Variants in USH2A observed in about 807,000 individuals in gnomAD.
USH2A encodes the protein Usher syndrome 2A (autosomal recessive, mild).
A neutral mutation model predicts 538.9 loss-of-function variants in USH2A; 443 were observed. The ratio of observed to expected loss-of-function variants is 0.82; its 90% confidence interval spans 0.76 to 0.89. The LOEUF (loss-of-function observed/expected upper bound fraction) is 0.89. USH2A is among the 40% of genes least tolerant of loss of function. The pLI is 0.00. For missense variants in USH2A, 6,633 were observed against 6,324.8 expected (o/e 1.05, Z -1.65); for synonymous variants, 2,413 against 2,273.5 (o/e 1.06, Z -1.75).
At chr1:215,949,029 C>T (rs865902470) in intron 37 of USH2A, among the ~76,000 whole-genome samples, 2 of 152,006 alleles carry the variant, frequency 1.3e-5, no homozygotes, top group Admixed American at 6.6e-5. Flanking sequence ...GCTGGACTCA[C>T]GTTCTTTGAG....
At chr1:216,171,938 AT>A (rs2034283509) in intron 21 of USH2A, among the ~76,000 whole-genome samples, 1 of 152,072 alleles carries the variant, frequency 6.6e-6, no homozygotes, top group Non-Finnish European at 1.5e-5. Flanking sequence ...CTTCCTGAAG[AT>A]TAGATTTTTT....
chr1:216,198,834 A>G (rs921760985), intron 17 of USH2A, among the ~76,000 whole-genome samples: 1 of 152,202 alleles, frequency 6.6e-6, no homozygotes, highest in Non-Finnish European at 1.5e-5. Context: ...ACTCATGAGG[A>G]AAACAAACCA....
chr1:216,070,853 T>TTGGGGG (rs2031536273), intron 29 of USH2A, among the ~76,000 whole-genome samples: 1 of 91,062 alleles, frequency 1.1e-5, no homozygotes, highest in Non-Finnish European at 2.0e-5. Flanking sequence ...GTTGCAGTTT[T>TTGGGGG]TGGGGGTGGG....
chr1:215,852,480 C>A (rs1372371615), intron 44 of USH2A, among the ~76,000 whole-genome samples: 1 of 152,130 alleles, frequency 6.6e-6, no homozygotes, highest in East Asian at 1.9e-4. Context: ...CCTGGTCCCT[C>A]CCAGATCTCA....
At chr1:215,704,917 G>A (rs1367310660) in intron 61 of USH2A, among the ~76,000 whole-genome samples, 1 of 152,060 alleles carries the variant, frequency 6.6e-6, no homozygotes, top group Non-Finnish European at 1.5e-5. Context: ...CTCCCCACTA[G>A]ACCTTGAACT....
At chr1:215,909,233 T>C (rs1483880964) in intron 38 of USH2A, among the ~76,000 whole-genome samples, 1 of 151,546 alleles carries the variant, frequency 6.6e-6, no homozygotes, top group Non-Finnish European at 1.5e-5. Flanking sequence ...CAAAAAAAGA[T>C]AAAGGCAAAA....
intron 37 of USH2A, among the ~76,000 whole-genome samples, chr1:215,956,017 C>T (rs1667056998): frequency 6.6e-6 from 1 of 152,082 alleles, no homozygotes; most frequent in African/African-American, 2.4e-5. Context: ...GGACATTGGC[C>T]CCAGATGGCT....
intron 65 of USH2A, among the ~76,000 whole-genome samples, chr1:215,649,070 G>A (rs1026103070): frequency 1.3e-5 from 2 of 152,126 alleles, no homozygotes; most frequent in East Asian, 1.9e-4. Flanking sequence ...AAAATGGCAC[G>A]GAACACACAA....
chr1:215,901,043 C>T, intron 38 of USH2A, 138 bp from the exon 39 acceptor site: 1 of 1,046,878 alleles, frequency 9.6e-7, no homozygotes, highest in Non-Finnish European at 1.4e-6. Context: ...TTTAATTTAA[C>T]ATTTTCATTC....
Position 216,046,423 on chromosome 1 carries a change from G to A in USH2A, c.6325+8C>T. 6.2e-7 allele frequency: 1 copy of A among 1,613,284 alleles called. No homozygotes were observed. Among genetic ancestry groups the A allele is most frequent in the South Asian group, 1.1e-5 (1 of 91,058 alleles). ...ATAACAATTCGCTGATAACTCTAGAGGTCTTACCTGTGACTATGTAGTTCT... is the reference window on the plus strand; with the variant it reads ...ATAACAATTCGCTGATAACTCTAGAAGTCTTACCTGTGACTATGTAGTTCT... On this transcript the variant is annotated splice_region_variant and intron_variant, in intron 32 of 71. Transcript: ENST00000307340.
At chr1:216,102,218 T>C (rs983077544) in intron 21 of USH2A, among the ~76,000 whole-genome samples, 14 of 151,768 alleles carry the variant, frequency 9.2e-5, no homozygotes, top group African/African-American at 3.1e-4. Flanking sequence ...TCGGTATCAT[T>C]AGTCATCTGA....
intron 21 of USH2A, among the ~76,000 whole-genome samples, chr1:216,157,571 C>T (rs1208645512): frequency 6.6e-6 from 1 of 152,094 alleles, no homozygotes; most frequent in African/African-American, 2.4e-5. Context: ...AATCTAGGTG[C>T]CCATCAATGA....
rs794727826 is a variant in USH2A at position 215,674,661 on chromosome 1, T to C, written c.13250A>G (p.Tyr4417Cys). 2.5e-6 allele frequency: 4 copies of C among 1,614,088 alleles called. No homozygotes were observed. In the African/African-American group the frequency reaches 4.0e-5, roughly 16 times the overall value. ...LVSHLQPYSQYNFSLVACTNG... is the reference protein window; with the variant it reads ...LVSHLQPYSQCNFSLVACTNG... ...CGTGCAGGCTACAAGGGAGAAGTTA[T>C]ACTGAGAGTAAGGCTGCAGGTGGGA... The change falls in exon 63 of 72, where the codon TAT becomes TGT. Residue 4417 changes from tyrosine (Y) to cysteine (C), a missense_variant. Transcript: ENST00000307340.
Position 216,150,674 on chromosome 1 carries a change from A to G in USH2A, c.4627+24578T>C, listed in dbSNP as rs957678516. 6.2e-4 allele frequency among the ~76,000 whole-genome samples: 94 copies of G among 152,152 alleles called. 1 individual carries two copies. The highest frequency in any genetic ancestry group is 2.2e-3 in the African/African-American group (93 of 41,490). On this transcript the variant is annotated intron_variant, in intron 21 of 71. Coordinates refer to ENST00000307340, the MANE Select transcript of USH2A (RefSeq NM_206933.4). ...ACTTCCCCAGACATTTCACATCAGC[A>G]AGCTGCCGCCCTCCTTCGCACTTAT...
At chr1:216,260,479 G>A (rs1366455137) in intron 11 of USH2A, among the ~76,000 whole-genome samples, 1 of 152,120 alleles carries the variant, frequency 6.6e-6, no homozygotes, top group Non-Finnish European at 1.5e-5. Flanking sequence ...TCCCAGTGAG[G>A]GGAGGAGTTC....
chr1:216,006,776 A>T (rs1668401853), intron 32 of USH2A, among the ~76,000 whole-genome samples: 1 of 152,184 alleles, frequency 6.6e-6, no homozygotes, highest in South Asian at 2.1e-4. Context: ...AAACTCCTAC[A>T]ATGCTCAGGA....
chr1:216,088,912 GA>G, intron 23 of USH2A, 100 bp downstream of exon 23: 1 of 1,550,018 alleles, frequency 6.5e-7, no homozygotes, highest in African/African-American at 1.4e-5. Flanking sequence ...GAATTGAGTA[GA>G]AATTATGGTG....
chr1:216,327,808 C>T (rs751703624), intron 4 of USH2A, among the ~76,000 whole-genome samples, 154 bp from the exon 5 acceptor site: 1 of 152,126 alleles, frequency 6.6e-6, no homozygotes, highest in Non-Finnish European at 1.5e-5. Context: ...CTCTAGTTTG[C>T]TAATTCCACA....
chr1:215,929,058 A>G (rs1191110661), intron 38 of USH2A, among the ~76,000 whole-genome samples: 1 of 152,148 alleles, frequency 6.6e-6, no homozygotes, highest in African/African-American at 2.4e-5. Context: ...CCAAGATGTA[A>G]CTTTTAAATA....
Sources: gnomAD v4.1 joint callset for allele counts (sites outside exome capture counted in the v4.1 genomes callset) on GRCh38, gnomAD v4.1.1 for gene constraint, MANE v1.5 for transcripts, NCBI Gene and HGNC (gene_info 2026-07-23, HGNC 2026-07-21) for gene names.